Variants in WWOX observed in about 807,000 individuals in gnomAD.
WWOX encodes WW domain containing oxidoreductase.
In WWOX, 69 loss-of-function variants were observed where a neutral mutation model predicts 46.2. The ratio of observed to expected loss-of-function variants is 1.49; its 90% confidence interval spans 1.23 to 1.82. WWOX has a LOEUF of 1.82. WWOX is among the 40% of genes most tolerant of loss of function. The pLI, the probability that WWOX is intolerant of heterozygous loss-of-function variation, is 0.00. For synonymous variants in WWOX, 359 were observed against 202.6 expected (o/e 1.77, Z -6.56); for missense variants, 919 against 542.6 (o/e 1.69, Z -6.89).
intron 8 of WWOX, among the ~76,000 whole-genome samples, chr16:78,442,150 A>C (rs2083458626): frequency 6.6e-6 from 1 of 152,048 alleles, no homozygotes; most frequent in South Asian, 2.1e-4. Context: ...AGGAAAAAAA[A>C]AATTATATGT....
At chr16:78,374,274 G>C (rs1267630932) in intron 5 of WWOX, among the ~76,000 whole-genome samples, 2 of 151,924 alleles carry the variant, frequency 1.3e-5, no homozygotes, top group African/African-American at 4.8e-5. Context: ...TTTTTTCTTA[G>C]AGTATCAAGT....
intron 8 of WWOX, among the ~76,000 whole-genome samples, chr16:79,206,944 T>C (rs1199913996): frequency 1.3e-5 from 2 of 152,216 alleles, no homozygotes; most frequent in Non-Finnish European, 1.5e-5. Flanking sequence ...GCAGTTTGCT[T>C]TCATTTGTGT....
At chr16:78,432,259 C>A (rs1477946078) in intron 7 of WWOX, among the ~76,000 whole-genome samples, 1 of 151,980 alleles carries the variant, frequency 6.6e-6, no homozygotes, top group African/African-American at 2.4e-5. Flanking sequence ...AGGCATGCCA[C>A]CACACCTGGC....
At position 78,903,955 on chromosome 16, in the gene WWOX, G is replaced by A. The variant is rs192211291; in HGVS notation, c.1057-307653G>A. On this transcript the variant is annotated intron_variant, in intron 8 of 8. Transcript: ENST00000566780. ...ATTTTCTCCGGGCCAGCCACACAGC[G>A]AATGAATGGAGACTCCTTGTGTGTA... Among the ~76,000 whole-genome samples the A allele has an allele frequency of 7.2e-4, 109 of 152,266 alleles. 2 individuals are homozygous for A. The highest frequency in any genetic ancestry group is 5.8e-3 in the Admixed American group (89 of 15,298).
At chr16:78,186,316 G>A (rs554250154) in intron 5 of WWOX, among the ~76,000 whole-genome samples, 2 of 150,824 alleles carry the variant, frequency 1.3e-5, no homozygotes, top group African/African-American at 2.4e-5. Flanking sequence ...AGACATTGCC[G>A]ACCTAGAGGG....
At chr16:78,884,293 AC>A (rs57938003) in intron 8 of WWOX, among the ~76,000 whole-genome samples, 22,861 of 99,402 alleles carry the variant, frequency 0.23, 2,674 homozygotes, top group Non-Finnish European at 0.28. Context: ...AAAAAAAAAA[AC>A]AAAAGACCAT....
intron 8 of WWOX, among the ~76,000 whole-genome samples, chr16:78,813,777 T>G (rs1034094371): frequency 2.6e-5 from 4 of 152,172 alleles, no homozygotes; most frequent in African/African-American, 9.7e-5. Context: ...CCAGGATGAG[T>G]GGGGCACATA....
chr16:78,789,296 T>C (rs116793423), intron 8 of WWOX, among the ~76,000 whole-genome samples: 2,353 of 152,334 alleles, frequency 0.015, 69 homozygotes, highest in African/African-American at 0.053. Context: ...ATGTTAAGAC[T>C]TTTGATCCAT....
At chr16:78,756,324 C>T (rs113976285) in intron 8 of WWOX, among the ~76,000 whole-genome samples, 2 of 150,796 alleles carry the variant, frequency 1.3e-5, no homozygotes, top group African/African-American at 2.4e-5. Context: ...TTGAAACAAA[C>T]AAAAAAAAAT....
intron 8 of WWOX, among the ~76,000 whole-genome samples, chr16:78,956,260 C>G (rs1041734003): frequency 6.6e-6 from 1 of 152,304 alleles, no homozygotes; most frequent in African/African-American, 2.4e-5. Context: ...ATTCTGCTGC[C>G]TCAGCCTCCT....
chr16:78,466,538 T>A (rs911947314), intron 8 of WWOX, among the ~76,000 whole-genome samples: 1 of 152,164 alleles, frequency 6.6e-6, no homozygotes, highest in Non-Finnish European at 1.5e-5. Flanking sequence ...TGTTGTTTTT[T>A]AAATATTCCA....
intron 8 of WWOX, among the ~76,000 whole-genome samples, chr16:78,801,673 T>A (rs1467405268): frequency 1.3e-5 from 2 of 152,156 alleles, no homozygotes; most frequent in East Asian, 3.9e-4. Context: ...CACAGAGTTT[T>A]AAAGTGAGTG....
chr16:78,324,006 C>G (rs896436360), intron 5 of WWOX, among the ~76,000 whole-genome samples: 2 of 152,148 alleles, frequency 1.3e-5, no homozygotes, highest in Non-Finnish European at 2.9e-5. Context: ...ACTTCACTTT[C>G]CCCTATGAGA....
chr16:79,200,877 A>G (rs375071801), intron 8 of WWOX, among the ~76,000 whole-genome samples: 2 of 152,280 alleles, frequency 1.3e-5, no homozygotes, highest in East Asian at 3.9e-4. Flanking sequence ...CAAAAAATGG[A>G]GGTGCAGGCT....
At chr16:78,992,065 G>A (rs911066618) in intron 8 of WWOX, among the ~76,000 whole-genome samples, 14 of 152,198 alleles carry the variant, frequency 9.2e-5, no homozygotes, top group East Asian at 1.9e-4. Context: ...GCATTAATTC[G>A]TTCATTCTTG....
chr16:78,986,869 G>C (rs1411115454), intron 8 of WWOX, among the ~76,000 whole-genome samples: 1 of 152,072 alleles, frequency 6.6e-6, no homozygotes, highest in Non-Finnish European at 1.5e-5. Flanking sequence ...CTTGACTTGG[G>C]AGTTTCAGGA....
intron 8 of WWOX, among the ~76,000 whole-genome samples, chr16:78,754,983 A>T (rs1012357960): frequency 2.7e-4 from 39 of 146,262 alleles, no homozygotes; most frequent in African/African-American, 9.4e-4. Context: ...AAGAATACAC[A>T]GGAGTTGAAC....
At chr16:78,395,325 C>T (rs539774010) in intron 6 of WWOX, among the ~76,000 whole-genome samples, 3 of 152,056 alleles carry the variant, frequency 2.0e-5, no homozygotes, top group Non-Finnish European at 4.4e-5. Flanking sequence ...TTGAGACCAG[C>T]CTCGGTAATT....
At chr16:79,040,338 G>GA (rs2047947094) in intron 8 of WWOX, among the ~76,000 whole-genome samples, 1 of 148,900 alleles carries the variant, frequency 6.7e-6, no homozygotes, top group Non-Finnish European at 1.5e-5. Flanking sequence ...GCGGTGGTGC[G>GA]ATCTCAGCTC....
Sources: allele counts gnomAD v4.1 joint callset (sites outside exome capture counted in the v4.1 genomes callset), GRCh38; gene constraint gnomAD v4.1.1; transcripts MANE v1.5; gene names NCBI Gene and HGNC (gene_info 2026-07-23, HGNC 2026-07-21).